CAPN15: variants seen among roughly 807,000 people sequenced by gnomAD.
CAPN15 encodes calpain-15.
CAPN15 carries 53 observed loss-of-function variants against 97.9 expected under a neutral mutation model. The ratio of observed to expected loss-of-function variants is 0.54; its 90% CI spans 0.43 to 0.68. The LOEUF is 0.68. Among genes scored for constraint, CAPN15 ranks in the 30% least tolerant of loss-of-function variants. The pLI is 0.00. For synonymous variants in CAPN15, 922 were observed against 722.5 expected (o/e 1.28, Z -4.43); for missense variants, 1,592 against 1,589.8 (o/e 1.00, Z -0.02).
chr16:536,405 G>A (rs1039426328), intron 3 of CAPN15, among the ~76,000 whole-genome samples: 1 of 148,182 alleles, frequency 6.7e-6, no homozygotes, highest in South Asian at 2.1e-4. Flanking sequence ...CTCCCTCTAG[G>A]GGAACGCGGG....
intron 3 of CAPN15, 140 bp from the exon 4 acceptor site, chr16:546,677 T>C (rs2034605102): frequency 9.4e-6 from 11 of 1,165,164 alleles, no homozygotes; most frequent in Non-Finnish European, 1.3e-5. Flanking sequence ...CACCGCCGCC[T>C]GCCTCAAATG....
Position 551,723 on chromosome 16 carries a change from C to T in CAPN15, c.2345+59C>T, listed in dbSNP as rs1394909886. 8 of 1,569,808 alleles carry T rather than the reference C, an allele frequency of 5.1e-6. No homozygotes were observed. In the African/African-American group the frequency reaches 8.1e-5, roughly 16 times the overall value. On this transcript the variant is annotated intron_variant, in intron 9 of 13. Transcript: ENST00000219611. ...CCCGCCCTCCTAGGGCCGAGTCCTT[C>T]TCTGGAGAACAAGCCTGTCCCTCCT...
At chr16:528,408 C>T (rs1397178896) in intron 1 of CAPN15, among the ~76,000 whole-genome samples, 1 of 152,240 alleles carries the variant, frequency 6.6e-6, no homozygotes, top group African/African-American at 2.4e-5. Flanking sequence ...TCGTGCGGTC[C>T]TGGCCGCCTT....
chr16:540,989 G>C (rs1300849388), intron 3 of CAPN15, among the ~76,000 whole-genome samples: 1 of 152,230 alleles, frequency 6.6e-6, no homozygotes, highest in African/African-American at 2.4e-5. Flanking sequence ...CAGGGGCCCG[G>C]GGCCTCGGGG....
chr16:547,257 C>G lies in CAPN15; in HGVS notation c.419C>G (p.Ala140Gly). Residue 140 changes from alanine (A) to glycine (G), a missense_variant, in exon 4 of 14, where the codon GCG becomes GGG. By Grantham distance (60) the Ala-to-Gly change is moderately conservative. This residue lies in a region of CAPN15 where 883 missense variants were observed against 776.6 expected (regional missense o/e 1.14). Coordinates refer to ENST00000219611, the MANE Select transcript of CAPN15 (RefSeq NM_005632.3). The part of the protein sequence containing the change: ...EKEEQEEEEG[A>G]AEPRGGWACP... ...GAGGAGCAGGAGGAGGAGGAGGGAG[C>G]GGCGGAGCCCAGAGGGGGCTGGGCG... 3.3e-6 allele frequency: 5 copies of G among 1,508,678 alleles called. No homozygotes were observed. The highest frequency in any genetic ancestry group is 4.4e-6 in the Non-Finnish European group (5 of 1,134,080). 93.5% of individuals were successfully genotyped at this position (1,508,678 alleles called of 1,614,324 possible).
At chr16:548,813 A>T (rs2034790409) in intron 4 of CAPN15, among the ~76,000 whole-genome samples, 180 bp from the exon 5 acceptor site, 1 of 152,196 alleles carries the variant, frequency 6.6e-6, no homozygotes, top group South Asian at 2.1e-4. Flanking sequence ...TGGCCTCTCC[A>T]CTAGGGCTGA....
chr16:543,687 G>C (rs927776715), intron 3 of CAPN15, among the ~76,000 whole-genome samples: 1 of 152,174 alleles, frequency 6.6e-6, no homozygotes, highest in East Asian at 1.9e-4. Flanking sequence ...AGCGGTGGGC[G>C]AGCAGACTGC....
intron 3 of CAPN15, among the ~76,000 whole-genome samples, chr16:545,878 C>G (rs2034549030): frequency 6.6e-6 from 1 of 152,256 alleles, no homozygotes; most frequent in Non-Finnish European, 1.5e-5. Flanking sequence ...CCTCGGCAGC[C>G]AGGCCGAGGA....
At chr16:536,244 G>A (rs997716238) in intron 3 of CAPN15, 102 bp downstream of exon 3, 98 of 239,006 alleles carry the variant, frequency 4.1e-4, no homozygotes, top group African/African-American at 1.3e-3. Context: ...AGGTCTGGCC[G>A]GAGCCAGCAC....
intron 1 of CAPN15, among the ~76,000 whole-genome samples, chr16:529,362 T>A (rs1253836583): frequency 6.6e-6 from 1 of 151,918 alleles, no homozygotes; most frequent in Non-Finnish European, 1.5e-5. Context: ...CTGCTGGCTC[T>A]CTCTCCGGGC....
rs748111129 is a variant in CAPN15, at chr16:547,170, C to A, written c.332C>A (p.Ala111Glu). ...GAGGAAGCAGGTCCAGTGAGGACTG[C>A]GGGGCTGGTGGCCACGGAGCCCGCC... ...CQEEAGPVRTAGLVATEPARG... is the reference protein window; with the variant it reads ...CQEEAGPVRTEGLVATEPARG... Residue 111 changes from alanine to glutamate, a missense_variant, in exon 4 of 14, where the codon GCG (alanine) becomes GAG (glutamate). This residue lies in a region of CAPN15 where 883 missense variants were observed against 776.6 expected (regional missense o/e 1.14). Transcript: ENST00000219611. The A allele has an allele frequency of 3.9e-6, 6 of 1,540,668 alleles. No homozygotes were observed. The highest frequency in any genetic ancestry group is 5.2e-6 in the Non-Finnish European group (6 of 1,147,684).
In CAPN15 at chr16:549,450, CG is replaced by C; in HGVS notation, c.1823del (p.Gly608AlafsTer76). 1 of 1,595,876 alleles carries C rather than the reference CG, an allele frequency of 6.3e-7. No homozygotes were observed. The highest frequency in any genetic ancestry group is 8.5e-7 in the Non-Finnish European group (1 of 1,177,280). ...VDDMLPCDEA[G>X]CLLFSQAQRK... is the part of the protein sequence containing the mutation. ...ACGACATGCTGCCCTGTGATGAGGC[CG>C]GCTGCCTCCTCTTCTCACAGGTGGG... is the stretch of plus-strand genomic sequence containing the variant. On this transcript the variant is annotated frameshift_variant, in exon 6 of 14. Coordinates refer to ENST00000219611, the MANE Select transcript of CAPN15 (RefSeq NM_005632.3). LOFTEE classifies it high-confidence loss of function.
At chr16:530,710 T>G (rs1388603403) in intron 1 of CAPN15, among the ~76,000 whole-genome samples, 1 of 152,186 alleles carries the variant, frequency 6.6e-6, no homozygotes, top group Non-Finnish European at 1.5e-5. Context: ...GGGCTGCTGC[T>G]GGGCCCACAG....
intron 9 of CAPN15, 175 bp from the exon 10 acceptor site, chr16:551,876 G>A (rs531669265): frequency 2.0e-6 from 2 of 976,296 alleles, no homozygotes; most frequent in Non-Finnish European, 1.6e-6. Context: ...AGCCGGCCCT[G>A]GAGGGCTTCC....
intron 3 of CAPN15, among the ~76,000 whole-genome samples, chr16:542,622 C>T (rs977280683): frequency 6.6e-6 from 1 of 152,168 alleles, no homozygotes; most frequent in Non-Finnish European, 1.5e-5. Context: ...GGGTCTTACT[C>T]TGTCACCCAG....
At chr16:550,782 G>C (rs879032409) in intron 7 of CAPN15, among the ~76,000 whole-genome samples, 193 of 3,384 alleles carry the variant, frequency 0.057, 4 homozygotes, top group Middle Eastern at 0.17. Flanking sequence ...TGAGGGTCCC[G>C]GTCGGTGAGG....
intron 3 of CAPN15, among the ~76,000 whole-genome samples, chr16:545,689 T>G (rs1386392107): frequency 6.6e-6 from 1 of 152,202 alleles, no homozygotes; most frequent in Non-Finnish European, 1.5e-5. Flanking sequence ...TCCTTGCTAG[T>G]CGGTGACAAC....
rs1460017618 is a variant in CAPN15, at chr16:554,509, T to TA, written c.*994dup. The TA allele has an allele frequency of 6.6e-6, 3 of 455,878 alleles. No individual in the cohort carries two copies. Among genetic ancestry groups the TA allele is most frequent in the African/African-American group, 4.0e-5 (2 of 50,082 alleles). The allele number at this position is 455,878 out of a possible 1,614,324, so 28.2% of individuals were successfully genotyped here. A position where few individuals can be genotyped will look rare whatever the true frequency, so the allele number is the denominator to read the frequency against. On this transcript the variant is annotated 3_prime_UTR_variant, in exon 14 of 14. Transcript: ENST00000219611. ...CTGTGAATATTTTTAACCCTGTAAA[T>TA]ACGGCCAGCTCTTGTGACACAGAGA... is the stretch of plus-strand genomic sequence containing the variant.
At chr16:545,613 C>T (rs1347712723) in intron 3 of CAPN15, among the ~76,000 whole-genome samples, 1 of 152,252 alleles carries the variant, frequency 6.6e-6, no homozygotes, top group African/African-American at 2.4e-5. Flanking sequence ...CAGACACACC[C>T]CGCTGGCGAT....
Sources: allele counts gnomAD v4.1 joint callset (sites outside exome capture counted in the v4.1 genomes callset), GRCh38; gene constraint gnomAD v4.1.1; regional missense constraint gnomAD v4.1.1; transcripts MANE v1.5; gene names NCBI Gene and HGNC (gene_info 2026-07-23, HGNC 2026-07-21).